Variants in TEX13C observed in about 807,000 individuals in gnomAD.
TEX13C encodes testis-expressed protein 13C.
For missense variants in TEX13C, 480 were observed against 298.7 expected (o/e 1.61, Z -4.47); for synonymous variants, 219 against 116.6 (o/e 1.88, Z -5.65).
exon 1 of TEX13C, chrX:125,321,985 C>G (rs1367757611): frequency 8.2e-6 from 4 of 488,044 alleles, no homozygotes; most frequent in Admixed American, 2.8e-5. Flanking sequence ...ACACAGCTCC[C>G]CTGATGTTTA....
upstream of TEX13C, chrX:125,320,057 A>T (rs1378046641): frequency 1.1e-5 from 5 of 453,410 alleles, no homozygotes; most frequent in Non-Finnish European, 1.5e-5. Context: ...CCTGTACCGG[A>T]AGCGGCGGCG....
chrX:125,323,197 T>C lies in TEX13C; in HGVS notation c.*96T>C, dbSNP rs1048360180. 7.1e-6 allele frequency: 3 copies of C among 421,424 alleles called. No individual in the cohort carries two copies. The African/African-American group carries it at 7.4e-5, about 10-fold the overall frequency. 34.7% of individuals were successfully genotyped at this position (421,424 alleles called of 1,213,427 possible). On this transcript the variant is annotated 3_prime_UTR_variant, in exon 1 of 1. Transcript: ENST00000632600. ...TCTGATAAAAAAGTAACTTATTTAC[T>C]TAACAGAAAATTTGAAACCAAAATT...
chrX:125,321,333 T>C, exon 1 of TEX13C: 1 of 513,234 alleles, frequency 1.9e-6, no homozygotes, highest in Non-Finnish European at 3.5e-6. Flanking sequence ...AAAAATCCAG[T>C]TGTGCACAAG....
exon 1 of TEX13C, chrX:125,320,276 A>G (rs1256696635): frequency 7.8e-6 from 4 of 515,818 alleles, no homozygotes; most frequent in Non-Finnish European, 1.4e-5. Context: ...GCTTCGGGCC[A>G]TTGTGGCCGA....
exon 1 of TEX13C, chrX:125,321,662 C>T (rs3135231): frequency 0.012 from 5,627 of 463,432 alleles, 43 homozygotes; most frequent in Non-Finnish European, 0.018. Flanking sequence ...GCCCAAGGAG[C>T]TGGTCCCCCT....
chrX:125,322,025 G>C (rs1251122141), exon 1 of TEX13C: 7 of 448,562 alleles, frequency 1.6e-5, no homozygotes, highest in Admixed American at 6.2e-5. Context: ...GAAAGTGCCA[G>C]TGATGCCCAA....
exon 1 of TEX13C, chrX:125,322,285 C>G (rs1372118108): frequency 2.1e-6 from 1 of 469,498 alleles, no homozygotes; most frequent in Admixed American, 3.0e-5. Flanking sequence ...TGCCCCAGGG[C>G]ACAGCTCCCC....
chrX:125,322,659 T>C, exon 1 of TEX13C: 1 of 513,414 alleles, frequency 1.9e-6, no homozygotes, highest in Non-Finnish European at 3.5e-6. Context: ...CCCAAGGAGA[T>C]GGTCCCCCTA....
exon 1 of TEX13C, chrX:125,320,284 C>T (rs1188788609): frequency 1.4e-5 from 7 of 515,778 alleles, no homozygotes; most frequent in South Asian, 4.9e-5. Flanking sequence ...CCATTGTGGC[C>T]GACCCGCGGG....
At chrX:125,320,376 T>C in exon 1 of TEX13C, 2 of 515,844 alleles carry the variant, frequency 3.9e-6, no homozygotes, top group Admixed American at 2.6e-5. Flanking sequence ...CAGGAGGAGC[T>C]GCTGTACCAG....
exon 1 of TEX13C, chrX:125,323,611 A>T (rs2018868482): frequency 1.8e-5 from 2 of 110,781 alleles, no homozygotes; most frequent in Admixed American, 1.9e-4. Context: ...GCTATATTGT[A>T]TTCTAGAAAC....
At chrX:125,325,214 A>T (rs1332195999) in exon 1 of TEX13C, 1 of 111,396 alleles carries the variant, frequency 9.0e-6, no homozygotes, top group African/African-American at 3.3e-5. Context: ...TGTGCATTTG[A>T]CTGCTGTGTC....
At chrX:125,324,447 G>T in exon 1 of TEX13C, 1 of 110,083 alleles carries the variant, frequency 9.1e-6, no homozygotes. Context: ...TCATTTTGTC[G>T]CCCAGGCTGG....
At chrX:125,322,943 G>A (rs1433290580) in exon 1 of TEX13C, 4 of 513,820 alleles carry the variant, frequency 7.8e-6, no homozygotes, top group Non-Finnish European at 1.0e-5. Flanking sequence ...AAGGAAAAAG[G>A]CCTCAGAATC....
At chrX:125,323,722 T>C (rs906576605) in exon 1 of TEX13C, 1 of 111,845 alleles carries the variant, frequency 8.9e-6, no homozygotes, top group Admixed American at 9.5e-5. Context: ...AGTCCTGTTT[T>C]TGTGTCTTAG....
At chrX:125,320,803 A>G (rs906882645) in exon 1 of TEX13C, 50 of 513,147 alleles carry the variant, frequency 9.7e-5, no homozygotes, top group Non-Finnish European at 1.7e-4. Flanking sequence ...TAATGCAGGC[A>G]CCTCATCCAG....
At chrX:125,322,866 A>G (rs1171131414) in exon 1 of TEX13C, 3 of 513,692 alleles carry the variant, frequency 5.8e-6, no homozygotes, top group South Asian at 4.9e-5. Flanking sequence ...GAGGATAGCA[A>G]GAGCCATGGT....
chrX:125,321,175 T>A lies in TEX13C; in HGVS notation c.1056T>A (p.Phe352Leu), dbSNP rs1295887276. ...AAGAGGGCACAGCTCCCCCAGAGTT[T>A]AGCAGGAGCCACAGCCTGGAGAAAA... Residue 352 changes from phenylalanine to leucine, a missense_variant, in exon 1 of 1, where the codon TTT becomes TTA. Physicochemically the swap from Phe to Leu is conservative, Grantham distance 22 (BLOSUM62 0). Coordinates refer to ENST00000632600, the Ensembl canonical transcript of TEX13C. The A allele has an allele frequency of 5.9e-6, 3 of 511,759 alleles. No homozygotes were observed. In the African/African-American group the frequency reaches 7.0e-5, roughly 12 times the overall value. 42.2% of individuals were successfully genotyped at this position (511,759 alleles called of 1,213,427 possible).
exon 1 of TEX13C, chrX:125,320,865 C>T: frequency 9.7e-6 from 5 of 515,225 alleles, no homozygotes; most frequent in Non-Finnish European, 1.4e-5. Flanking sequence ...ACACCTCTAC[C>T]ACCCCCAGTA....
Sources: allele counts gnomAD v4.1 joint callset, GRCh38; gene constraint gnomAD v4.1.1; transcripts MANE v1.5; gene names NCBI Gene and HGNC (gene_info 2026-07-23, HGNC 2026-07-21).